DLGAP1: variants seen among roughly 807,000 people sequenced by gnomAD.
The protein encoded by DLGAP1 is disks large-associated protein 1.
Under a neutral mutation model 90.8 loss-of-function variants are expected in DLGAP1, and 11 were observed. The observed-to-expected ratio is 0.12, with a 90% CI of 0.08 to 0.20. The LOEUF (loss-of-function observed/expected upper bound fraction) is 0.20. DLGAP1 is among the 10% of genes least tolerant of loss of function. DLGAP1 has a pLI of 1.00. For synonymous variants in DLGAP1, 558 were observed against 540.7 expected, an observed-to-expected ratio of 1.03 and a Z score of -0.44; for missense variants, 1,050 against 1,333.8, an observed-to-expected ratio of 0.79 and a Z score of 3.31.
chr18:4,214,311 A>ATTT (rs71160947), intron 1 of DLGAP1, among the ~76,000 whole-genome samples: 4 of 148,260 alleles, frequency 2.7e-5, no homozygotes, highest in African/African-American at 9.9e-5. Context: ...AAGGAAACAG[A>ATTT]TTTTTTTTTT....
At chr18:4,249,988 A>G (rs116242334) in intron 1 of DLGAP1, among the ~76,000 whole-genome samples, 282 of 152,310 alleles carry the variant, frequency 1.9e-3, no homozygotes, top group African/African-American at 6.6e-3. Context: ...TTAAGCTCAT[A>G]TCCTTCAGCC....
At chr18:4,039,138 A>AT (rs770462125) in intron 2 of DLGAP1, among the ~76,000 whole-genome samples, 3 of 152,186 alleles carry the variant, frequency 2.0e-5, no homozygotes, top group East Asian at 1.9e-4. Flanking sequence ...TTTTAGAAAT[A>AT]TTTTTTTCAT....
At chr18:4,420,871 T>A (rs80011132) in intron 1 of DLGAP1, among the ~76,000 whole-genome samples, 14,638 of 152,206 alleles carry the variant, frequency 0.096, 963 homozygotes, top group East Asian at 0.14. Flanking sequence ...CACCTCCACA[T>A]GAAATCAACC....
At chr18:4,367,466 T>C (rs2081801609) in intron 1 of DLGAP1, among the ~76,000 whole-genome samples, 1 of 152,086 alleles carries the variant, frequency 6.6e-6, no homozygotes, top group Non-Finnish European at 1.5e-5. Flanking sequence ...ATTCAATGTA[T>C]CTATTTCTTT....
chr18:4,358,961 C>T (rs2081578440), intron 1 of DLGAP1, among the ~76,000 whole-genome samples: 1 of 152,220 alleles, frequency 6.6e-6, no homozygotes, highest in South Asian at 2.1e-4. Flanking sequence ...TTGTCTCCTT[C>T]TACTGCTTTA....
chr18:3,983,270 A>G (rs62083634), intron 3 of DLGAP1: 1 of 152,094 alleles, frequency 6.6e-6, no homozygotes, highest in Non-Finnish European at 1.5e-5. Context: ...AGTGATTGCC[A>G]TTACTTAATT....
chr18:3,631,874 C>T (rs1377952078), intron 7 of DLGAP1, among the ~76,000 whole-genome samples: 1 of 152,184 alleles, frequency 6.6e-6, no homozygotes, highest in Non-Finnish European at 1.5e-5. Context: ...ACCTCGACCT[C>T]CCAGGCTCAA....
intron 2 of DLGAP1, among the ~76,000 whole-genome samples, chr18:4,149,563 A>G (rs558702370): frequency 6.6e-6 from 1 of 152,302 alleles, no homozygotes; most frequent in East Asian, 1.9e-4. Context: ...GTCATAGACC[A>G]GTACTGGTTC....
intron 1 of DLGAP1, among the ~76,000 whole-genome samples, chr18:4,249,386 G>C (rs1167849214): frequency 6.7e-6 from 1 of 149,672 alleles, no homozygotes; most frequent in Non-Finnish European, 1.5e-5. Flanking sequence ...AGTGCACCTG[G>C]CTACACGAGA....
chr18:4,126,423 A>T (rs2076234094), intron 2 of DLGAP1, among the ~76,000 whole-genome samples: 1 of 152,236 alleles, frequency 6.6e-6, no homozygotes, highest in African/African-American at 2.4e-5. Flanking sequence ...CCTGTTCAAT[A>T]TCATGCACAA....
intron 1 of DLGAP1, among the ~76,000 whole-genome samples, chr18:4,228,877 C>A (rs992256269): frequency 6.6e-6 from 1 of 151,774 alleles, no homozygotes; most frequent in African/African-American, 2.4e-5. Context: ...AAAGGGCATC[C>A]AAACTGGAAA....
intron 1 of DLGAP1, among the ~76,000 whole-genome samples, chr18:4,241,790 G>A (rs1377959232): frequency 1.3e-5 from 2 of 152,180 alleles, no homozygotes; most frequent in Admixed American, 1.3e-4. Flanking sequence ...ATTTTGGAAA[G>A]AAACTTAGGC....
intron 1 of DLGAP1, among the ~76,000 whole-genome samples, chr18:4,261,262 C>A (rs1421649824): frequency 6.6e-6 from 1 of 152,146 alleles, no homozygotes; most frequent in Non-Finnish European, 1.5e-5. Context: ...GGACTCTATG[C>A]CTGCCTTGAT....
intron 1 of DLGAP1, among the ~76,000 whole-genome samples, chr18:4,307,580 A>G (rs2080291267): frequency 1.3e-5 from 2 of 152,174 alleles, no homozygotes; most frequent in African/African-American, 4.8e-5. Context: ...AGAGGAAGAA[A>G]CTAAGGCTTA....
chr18:3,942,945 A>G (rs776653323), intron 3 of DLGAP1, among the ~76,000 whole-genome samples: 1 of 151,794 alleles, frequency 6.6e-6, no homozygotes, highest in Non-Finnish European at 1.5e-5. Flanking sequence ...CCTGAGGATG[A>G]TAATCAGAAC....
At position 4,320,345 on chromosome 18, in the gene DLGAP1, T is replaced by C. The variant is rs191857323; in HGVS notation, c.-267+134661A>G. 7.9e-4 allele frequency among the ~76,000 whole-genome samples: 120 copies of C among 152,304 alleles called. 2 individuals are homozygous for C. The East Asian group carries it at 0.015, about 19-fold the overall frequency. ...GATGCACTCAAGCTGAACAGGTAAATTGGAGTTACTTTTTAAAGTTATTTG... is the reference window on the plus strand; with the variant it reads ...GATGCACTCAAGCTGAACAGGTAAACTGGAGTTACTTTTTAAAGTTATTTG... On this transcript the variant is annotated intron_variant, in intron 1 of 12. Transcript: ENST00000315677.
chr18:3,982,009 A>G (rs1047559613), intron 3 of DLGAP1, among the ~76,000 whole-genome samples: 10 of 152,168 alleles, frequency 6.6e-5, no homozygotes, highest in African/African-American at 1.4e-4. Context: ...TAAAAGTAAA[A>G]TGCATTTTCT....
chr18:4,377,943 G>C (rs1598314993), intron 1 of DLGAP1, among the ~76,000 whole-genome samples: 1 of 151,698 alleles, frequency 6.6e-6, no homozygotes, highest in African/African-American at 2.4e-5. Flanking sequence ...ATTAATAATA[G>C]CATAATTACT....
chr18:3,920,562 C>T (rs1262952553), intron 3 of DLGAP1, among the ~76,000 whole-genome samples: 1 of 152,040 alleles, frequency 6.6e-6, no homozygotes, highest in Admixed American at 6.6e-5. Context: ...TTTCTCACCC[C>T]TTAATTTTTC....
Sources: allele counts gnomAD v4.1 joint callset (sites outside exome capture counted in the v4.1 genomes callset), GRCh38; gene constraint gnomAD v4.1.1; transcripts MANE v1.5; gene names NCBI Gene and HGNC (gene_info 2026-07-23, HGNC 2026-07-21).